Variants in KDELR1 observed in about 807,000 individuals in gnomAD.
KDELR1 encodes the protein KDEL endoplasmic reticulum protein retention receptor 1.
In KDELR1, 16 loss-of-function variants were observed where a neutral mutation model predicts 25.5. The ratio of observed to expected loss-of-function variants is 0.63; its 90% CI spans 0.43 to 0.95. The LOEUF (loss-of-function observed/expected upper bound fraction) is 0.95. KDELR1 is among the 40% of genes least tolerant of loss of function. The pLI is 0.00. For missense variants in KDELR1, 159 were observed against 265.2 expected (o/e 0.60, Z 2.78); for synonymous variants, 121 against 115.0 (o/e 1.05, Z -0.33).
Position 48,391,455 on chromosome 19 carries a change from G to A in KDELR1, c.-97C>T. The A allele has an allele frequency of 1.1e-6, 1 of 922,500 alleles. No homozygotes were observed. The allele number at this position is 922,500 out of a possible 1,614,324, so 57.1% of individuals were successfully genotyped here. On this transcript the variant is annotated 5_prime_UTR_variant, in exon 1 of 5. Coordinates refer to ENST00000330720, the MANE Select transcript of KDELR1 (RefSeq NM_006801.3). The stretch of plus-strand genomic sequence containing the variant: ...GTCTGAACGGGTAGCTGGGCTGGGG[G>A]GACGGAAGAGGGACCCTAGGTGCGC...
rs68111834 is a variant in KDELR1, at chr19:48,384,890, CT to C, written c.352-409del. On this transcript the variant is annotated intron_variant, in intron 3 of 4. Coordinates refer to ENST00000330720, the MANE Select transcript of KDELR1 (RefSeq NM_006801.3). The surrounding 1 kb of genome is among the most constrained non-coding windows in gnomAD (Gnocchi z 4.6). ...GAAATTTCCCTTCCTTTTTCTTTTTCTTTTTTTTTTTTTTGAGATGGAGTAT... is the reference window on the plus strand; with the variant it reads ...GAAATTTCCCTTCCTTTTTCTTTTTCTTTTTTTTTTTTTGAGATGGAGTAT... Among the ~76,000 whole-genome samples, 169 of 140,176 alleles carry C rather than the reference CT, an allele frequency of 1.2e-3. No homozygotes were observed. Among genetic ancestry groups the C allele is most frequent in the Non-Finnish European group, 1.2e-3 (81 of 65,114 alleles). The allele number at this position is 140,176 out of a possible 152,430, so 92.0% of individuals were successfully genotyped here.
chr19:48,391,821 C>A (rs1014350495), upstream of KDELR1, among the ~76,000 whole-genome samples: 1 of 152,144 alleles, frequency 6.6e-6, no homozygotes, highest in African/African-American at 2.4e-5. Context: ...TAGAGACTGC[C>A]CTCTGAGCTT....
In KDELR1 at chr19:48,383,073, T is replaced by C. The variant is rs192910082; in HGVS notation, c.*220A>G. ...AAAACTAAAGAGTGGAAAGATTTTT[T>C]TTTCTTGTCTAAAAGGCAAAAAACT... On this transcript the variant is annotated 3_prime_UTR_variant, in exon 5 of 5. Coordinates refer to ENST00000330720, the MANE Select transcript of KDELR1 (RefSeq NM_006801.3). 8.6e-6 allele frequency: 5 copies of C among 582,426 alleles called. No individual in the cohort carries two copies. Among genetic ancestry groups the C allele is most frequent in the African/African-American group, 1.9e-5 (1 of 53,380 alleles). The allele number at this position is 582,426 out of a possible 1,614,324, so 36.1% of individuals were successfully genotyped here.
At chr19:48,389,217 C>T (rs571729021) in intron 3 of KDELR1, among the ~76,000 whole-genome samples, 43 of 152,242 alleles carry the variant, frequency 2.8e-4, no homozygotes, top group African/African-American at 1.0e-3. Flanking sequence ...TTGCAGTGAG[C>T]CGAGATCATG....
intron 3 of KDELR1, among the ~76,000 whole-genome samples, chr19:48,386,939 C>G (rs1970502157): frequency 6.6e-6 from 1 of 151,854 alleles, no homozygotes. Context: ...GGTGTGGTGG[C>G]TCATGCCTGT....
upstream of KDELR1, chr19:48,391,664 C>G: frequency 4.7e-6 from 2 of 421,496 alleles, no homozygotes; most frequent in Non-Finnish European, 8.8e-6. Flanking sequence ...CGTGGCGGCG[C>G]TAAACGCACC....
Position 48,384,480 on chromosome 19 carries a change from G to A in KDELR1, c.354C>T (p.Ile118=), listed in dbSNP as rs1453123358. Residue 118 remains isoleucine, a splice_region_variant and synonymous_variant, in exon 4 of 5, where the codon ATC becomes ATT. Coordinates refer to ENST00000330720, the MANE Select transcript of KDELR1 (RefSeq NM_006801.3). The surrounding 1 kb of genome is among the most constrained non-coding windows in gnomAD (Gnocchi z 4.6). ...CCAGGTAGATGGAGAAGGTCCAGAGGATCTGCAGAGAGGCCGGGGACATGA... is the reference window on the plus strand; with the variant it reads ...CCAGGTAGATGGAGAAGGTCCAGAGAATCTGCAGAGAGGCCGGGGACATGA... The part of the protein sequence containing the change: ...LVNHDFTPLE[I]LWTFSIYLES... 5.0e-6 allele frequency: 8 copies of A among 1,611,946 alleles called. No homozygotes were observed. In the East Asian group the frequency reaches 1.1e-4, roughly 22 times the overall value.
intron 3 of KDELR1, chr19:48,387,966 C>T (rs558115997): frequency 3.3e-5 from 5 of 152,242 alleles, no homozygotes; most frequent in African/African-American, 1.2e-4. Flanking sequence ...CAGCAAAACA[C>T]CATGGAATAA....
chr19:48,383,216 A>G lies in KDELR1; in HGVS notation c.*77T>C. The G allele has an allele frequency of 6.8e-7, 1 of 1,468,824 alleles. No individual in the cohort carries two copies. The highest frequency in any genetic ancestry group is 1.4e-5 in the African/African-American group (1 of 71,346). The allele number at this position is 1,468,824 out of a possible 1,614,324, so 91.0% of individuals were successfully genotyped here. A position where few individuals can be genotyped will look rare whatever the true frequency, so the allele number is the denominator to read the frequency against. On this transcript the variant is annotated 3_prime_UTR_variant, in exon 5 of 5. Transcript: ENST00000330720. ...GGGTTCTTAAAAAAGTCACCCCTGGATGGGAAAGCTCTTCATCTTCTGCCG... is the reference window on the plus strand; with the variant it reads ...GGGTTCTTAAAAAAGTCACCCCTGGGTGGGAAAGCTCTTCATCTTCTGCCG...
chr19:48,386,909 A>G (rs1970501922), intron 3 of KDELR1, among the ~76,000 whole-genome samples: 1 of 151,988 alleles, frequency 6.6e-6, no homozygotes, highest in South Asian at 2.1e-4. Flanking sequence ...TCTCCTAAAA[A>G]TACAAAAAAA....
intron 1 of KDELR1, chr19:48,391,002 C>A: frequency 1.8e-6 from 1 of 543,398 alleles, no homozygotes; most frequent in Non-Finnish European, 3.3e-6. Context: ...TGTTCCCGGT[C>A]CATGAACCCT....
rs1236098581 is a variant in KDELR1 at position 48,391,368 on chromosome 19, A to G, written c.-10T>C. ...ATCGGAAGAGATTCATGGCTGGGGAACCCTGGCAGGGCTGAGCGGGAGGGA... is the reference window on the plus strand; with the variant it reads ...ATCGGAAGAGATTCATGGCTGGGGAGCCCTGGCAGGGCTGAGCGGGAGGGA... On this transcript the variant is annotated 5_prime_UTR_variant, in exon 1 of 5. Coordinates refer to ENST00000330720, the MANE Select transcript of KDELR1 (RefSeq NM_006801.3). 2 of 1,550,114 alleles carry G rather than the reference A, an allele frequency of 1.3e-6. No individual in the cohort carries two copies. Among genetic ancestry groups the G allele is most frequent in the East Asian group, 2.4e-5 (1 of 40,962 alleles).
upstream of KDELR1, among the ~76,000 whole-genome samples, chr19:48,394,586 G>C (rs1970612694): frequency 2.0e-5 from 3 of 151,492 alleles, no homozygotes; most frequent in African/African-American, 7.3e-5. This position sits in a 1 kb window ranked among gnomAD's most constrained non-coding sequence, Gnocchi z 5.1. Flanking sequence ...GGCGGAGGGG[G>C]GATCCCCACG....
upstream of KDELR1, among the ~76,000 whole-genome samples, chr19:48,395,854 G>A (rs2147430909): frequency 6.6e-6 from 1 of 152,194 alleles, no homozygotes; most frequent in East Asian, 1.9e-4. Context: ...GGGAGCTGGG[G>A]ACCTGGACTC....
chr19:48,389,807 A>G (rs1970526796), intron 2 of KDELR1, 96 bp from the exon 3 acceptor site: 1 of 1,358,478 alleles, frequency 7.4e-7, no homozygotes, highest in Non-Finnish European at 1.0e-6. Flanking sequence ...CAGACGCAGG[A>G]GTCCAGACCC....
upstream of KDELR1, chr19:48,391,577 G>T: frequency 1.8e-6 from 1 of 553,022 alleles, no homozygotes; most frequent in South Asian, 2.1e-5. Flanking sequence ...AGGGGGAGGA[G>T]TCCGGGAGGA....
At chr19:48,393,440 C>G (rs990688743), upstream of KDELR1, among the ~76,000 whole-genome samples, 14 of 152,142 alleles carry the variant, frequency 9.2e-5, no homozygotes, top group Non-Finnish European at 7.4e-5. The surrounding 1 kb of genome is among the most constrained non-coding windows in gnomAD (Gnocchi z 5.6). Context: ...GCTGGTGTCT[C>G]CATACCGGGT....
intron 3 of KDELR1, among the ~76,000 whole-genome samples, chr19:48,386,663 G>C (rs1436266806): frequency 6.6e-6 from 1 of 151,068 alleles, no homozygotes; most frequent in Non-Finnish European, 1.5e-5. Context: ...GGCCAGGCTG[G>C]TCTTGAACCC....
upstream of KDELR1, among the ~76,000 whole-genome samples, chr19:48,393,244 G>A (rs1297238614): frequency 2.0e-5 from 3 of 152,010 alleles, no homozygotes; most frequent in Admixed American, 6.6e-5. This position sits in a 1 kb window ranked among gnomAD's most constrained non-coding sequence, Gnocchi z 5.6. Context: ...GGGGCTGGGG[G>A]GTGGGACTCC....
Sources: gnomAD v4.1 joint callset for allele counts (sites outside exome capture counted in the v4.1 genomes callset) on GRCh38, gnomAD v4.1.1 for gene constraint, Gnocchi (gnomAD v3.1) non-coding constraint, MANE v1.5 for transcripts, NCBI Gene and HGNC (gene_info 2026-07-23, HGNC 2026-07-21) for gene names.